Variants in ETV1 observed in about 807,000 individuals in gnomAD.
The protein encoded by ETV1 is ETS variant transcription factor 1.
ETV1 carries 27 observed loss-of-function variants against 62.3 expected under a neutral mutation model. The ratio of observed to expected loss-of-function variants is 0.43; its 90% CI spans 0.32 to 0.60. The LOEUF is 0.60. ETV1 is among the 20% of genes least tolerant of loss of function. The pLI, the probability that ETV1 is intolerant of heterozygous loss-of-function variation, is 0.06. For synonymous variants in ETV1, 222 were observed against 199.6 expected (o/e 1.11, Z -0.94); for missense variants, 605 against 605.8 (o/e 1.00, Z 0.01).
In ETV1 at chr7:13,901,097, T is replaced by C. The variant is rs371706998; in HGVS notation, c.1111-258A>G. Among the ~76,000 whole-genome samples, 46 of 151,788 alleles carry C rather than the reference T, an allele frequency of 3.0e-4. 1 individual carries two copies. In the South Asian group the frequency reaches 3.3e-3, roughly 11 times the overall value. On this transcript the variant is annotated intron_variant, in intron 12 of 13. Coordinates refer to ENST00000430479, the MANE Select transcript of ETV1 (RefSeq NM_004956.5). The stretch of plus-strand genomic sequence containing the variant: ...TTGGCTCACTGCAACCTCCGCCTCC[T>C]GTGTTCAAGCAATTCTCCTGCCTCA...
intron 6 of ETV1, among the ~76,000 whole-genome samples, chr7:13,973,422 T>C (rs1267420647): frequency 3.3e-5 from 5 of 152,198 alleles, no homozygotes; most frequent in African/African-American, 1.2e-4. Context: ...ATCAAACATC[T>C]GCTTAAAGGC....
chr7:13,906,798 C>T (rs1783014772), intron 11 of ETV1, among the ~76,000 whole-genome samples, 199 bp from the exon 12 acceptor site: 2 of 152,082 alleles, frequency 1.3e-5, no homozygotes, highest in African/African-American at 2.4e-5. Flanking sequence ...TACGAACTTA[C>T]AGATAACTAT....
chr7:13,907,870 T>C lies in ETV1; in HGVS notation c.941-1271A>G, dbSNP rs754952012. 11 of 469,982 alleles carry C rather than the reference T, an allele frequency of 2.3e-5. 1 individual carries two copies. Among genetic ancestry groups the C allele is most frequent in the South Asian group, 1.4e-4 (9 of 64,442 alleles). The allele number at this position is 469,982 out of a possible 1,614,324, so 29.1% of individuals were successfully genotyped here. A position where few individuals can be genotyped will look rare whatever the true frequency, so the allele number is the denominator to read the frequency against. On this transcript the variant is annotated intron_variant, in intron 11 of 13. Coordinates refer to ENST00000430479, the MANE Select transcript of ETV1 (RefSeq NM_004956.5). ...CATTTGAAAAACCTAAACCAAAATA[T>C]AAAATGTGTGAGTCAATAGCTGCTA... is the stretch of plus-strand genomic sequence containing the variant.
At chr7:13,928,469 C>A (rs1015460958) in intron 9 of ETV1, among the ~76,000 whole-genome samples, 1 of 151,932 alleles carries the variant, frequency 6.6e-6, no homozygotes, top group African/African-American at 2.4e-5. Context: ...ACAAAATTAG[C>A]CGGGCATGGT....
Position 13,891,436 on chromosome 7 carries a change from A to T in ETV1, c.*4430T>A, listed in dbSNP as rs573103241. On this transcript the variant is annotated 3_prime_UTR_variant, in exon 14 of 14. Transcript: ENST00000430479. The stretch of plus-strand genomic sequence containing the variant: ...GGAGTCTATATGCAAAAAAGACCCT[A>T]CCTTACATATGAATCCATAAACAAT... 109 of 231,862 alleles carry T rather than the reference A, an allele frequency of 4.7e-4. No individual in the cohort carries two copies. The highest frequency in any genetic ancestry group is 2.3e-3 in the African/African-American group (104 of 45,420). The allele number at this position is 231,862 out of a possible 1,614,324, so 14.4% of individuals were successfully genotyped here. A position where few individuals can be genotyped will look rare whatever the true frequency, so the allele number is the denominator to read the frequency against.
intron 10 of ETV1, among the ~76,000 whole-genome samples, chr7:13,910,228 CTTTTTTT>C (rs58867942): frequency 8.3e-6 from 1 of 120,220 alleles, no homozygotes; most frequent in Non-Finnish European, 1.7e-5. Context: ...AAAAGTTTCC[CTTTTTTT>C]TTTTTTTTTT....
chr7:13,948,118 T>G (rs1788384556), intron 6 of ETV1, among the ~76,000 whole-genome samples: 1 of 152,208 alleles, frequency 6.6e-6, no homozygotes, highest in African/African-American at 2.4e-5. Context: ...ATTTAAAAAT[T>G]CACACCACTC....
At chr7:13,925,449 C>A (rs936642755) in intron 9 of ETV1, among the ~76,000 whole-genome samples, 5 of 152,162 alleles carry the variant, frequency 3.3e-5, no homozygotes, top group African/African-American at 1.2e-4. Context: ...AGACACAAAC[C>A]AATAGAAAGT....
At chr7:13,941,225 T>C (rs897245023) in intron 6 of ETV1, among the ~76,000 whole-genome samples, 1 of 152,204 alleles carries the variant, frequency 6.6e-6, no homozygotes, top group Admixed American at 6.5e-5. Context: ...AAACCAACTA[T>C]AAAAAGACAA....
At chr7:13,987,208 T>A (rs568235908) in intron 4 of ETV1, among the ~76,000 whole-genome samples, 1 of 152,198 alleles carries the variant, frequency 6.6e-6, no homozygotes, top group East Asian at 1.9e-4. Flanking sequence ...ATACAAGTTT[T>A]TAGAGGAAAA....
chr7:13,917,801 G>T (rs1481752288), intron 9 of ETV1, among the ~76,000 whole-genome samples: 1 of 151,676 alleles, frequency 6.6e-6, no homozygotes, highest in Non-Finnish European at 1.5e-5. Flanking sequence ...CGTCTCTACT[G>T]AAAACACAAA....
At chr7:13,959,032 T>C (rs1310955454) in intron 6 of ETV1, 1 of 147,822 alleles carries the variant, frequency 6.8e-6, no homozygotes, top group African/African-American at 2.6e-5. Context: ...CCAATCTGTG[T>C]TGATCTTGCT....
chr7:13,891,838 A>T lies in ETV1; in HGVS notation c.*4028T>A, dbSNP rs186913334. 98 of 231,650 alleles carry T rather than the reference A, an allele frequency of 4.2e-4. No homozygotes were observed. Among genetic ancestry groups the T allele is most frequent in the African/African-American group, 2.1e-3 (94 of 45,402 alleles). The allele number at this position is 231,650 out of a possible 1,614,324, so 14.3% of individuals were successfully genotyped here. ...TCCTCTCTTCTCCATACCAAATCGC[A>T]AATGGAAAATAGCTTACTCACTTCT... On this transcript the variant is annotated 3_prime_UTR_variant, in exon 14 of 14. Coordinates refer to ENST00000430479, the MANE Select transcript of ETV1 (RefSeq NM_004956.5).
At chr7:13,951,089 T>G in intron 6 of ETV1, among the ~76,000 whole-genome samples, 1 of 152,008 alleles carries the variant, frequency 6.6e-6, no homozygotes, top group South Asian at 2.1e-4. Context: ...CCCATACCAC[T>G]TGGGCTAAGT....
At chr7:13,897,005 AAAG>A (rs1781913582) in intron 13 of ETV1, among the ~76,000 whole-genome samples, 1 of 152,202 alleles carries the variant, frequency 6.6e-6, no homozygotes, top group Non-Finnish European at 1.5e-5. Context: ...TGCCTGGAAT[AAAG>A]AAGTAGCATA....
rs937360334 is a variant in ETV1, at chr7:13,939,688, T to C, written c.236-442A>G. On this transcript the variant is annotated intron_variant, in intron 6 of 13. Coordinates refer to ENST00000430479, the MANE Select transcript of ETV1 (RefSeq NM_004956.5). Reference sequence around the variant, plus strand: ...ATATCAACTGCATCAATAATAATAGTTTAATGAAATGACAACTAGACTGGG... The same window carrying C: ...ATATCAACTGCATCAATAATAATAGCTTAATGAAATGACAACTAGACTGGG... 3.3e-5 allele frequency among the ~76,000 whole-genome samples: 5 copies of C among 152,268 alleles called. No homozygotes were observed. The South Asian group carries it at 1.0e-3, about 32-fold the overall frequency.
intron 9 of ETV1, among the ~76,000 whole-genome samples, chr7:13,922,634 A>C (rs1320759098): frequency 6.6e-6 from 1 of 152,242 alleles, no homozygotes; most frequent in East Asian, 1.9e-4. Context: ...AATGTTCAAG[A>C]GGGAGAAATT....
At chr7:13,966,940 G>A (rs1297321480) in intron 6 of ETV1, among the ~76,000 whole-genome samples, 2 of 152,084 alleles carry the variant, frequency 1.3e-5, no homozygotes, top group Non-Finnish European at 2.9e-5. Flanking sequence ...AAACACATTT[G>A]TTGAATGAAT....
chr7:13,931,158 T>C (rs1421712073), intron 9 of ETV1, among the ~76,000 whole-genome samples: 3 of 152,186 alleles, frequency 2.0e-5, no homozygotes, highest in Non-Finnish European at 2.9e-5. Flanking sequence ...TAAACATTTT[T>C]ATTAAGTAGC....
Sources: gnomAD v4.1 joint callset for allele counts (sites outside exome capture counted in the v4.1 genomes callset) on GRCh38, gnomAD v4.1.1 for gene constraint, MANE v1.5 for transcripts, NCBI Gene and HGNC (gene_info 2026-07-23, HGNC 2026-07-21) for gene names.